The following EPHX2 variants were observed in gnomAD, a reference collection of about 807,000 sequenced individuals.
EPHX2 encodes bifunctional epoxide hydrolase 2.
In EPHX2, 74 loss-of-function variants were observed where a neutral mutation model predicts 78.7. That is an observed-to-expected ratio of 0.94 (90% CI 0.78 to 1.14). The LOEUF is 1.14. Among genes scored for constraint, EPHX2 ranks in the 50% most tolerant of loss-of-function variants. EPHX2 has a pLI of 0.00. For synonymous variants in EPHX2, 251 were observed against 255.2 expected, an observed-to-expected ratio of 0.98 and a Z score of 0.16; for missense variants, 715 against 702.5, an observed-to-expected ratio of 1.02 and a Z score of -0.20.
At position 27,544,180 on chromosome 8, in the gene EPHX2, T is replaced by C; in HGVS notation, c.1531-6T>C. The C allele has an allele frequency of 6.2e-7, 1 of 1,614,164 alleles. No homozygotes were observed. Among genetic ancestry groups the C allele is most frequent in the Non-Finnish European group, 8.5e-7 (1 of 1,180,012 alleles). On this transcript the variant is annotated splice_region_variant and splice_polypyrimidine_tract_variant and intron_variant, in intron 17 of 18. Coordinates refer to ENST00000521400, the MANE Select transcript of EPHX2 (RefSeq NM_001979.6). Reference sequence around the variant, plus strand: ...ATTTACCTTTCTGCCTGGGGTTTCCTTTCAGATTCCCCACCTGAAAAGGGG... The same window carrying C: ...ATTTACCTTTCTGCCTGGGGTTTCCCTTCAGATTCCCCACCTGAAAAGGGG...
chr8:27,506,519 TG>T (rs1585192247), intron 4 of EPHX2, among the ~76,000 whole-genome samples: 1 of 152,234 alleles, frequency 6.6e-6, no homozygotes, highest in East Asian at 1.9e-4. Context: ...TTCTACCTTT[TG>T]TAGCTTCATC....
At chr8:27,522,648 T>C in intron 11 of EPHX2, 140 bp downstream of exon 11, 1 of 830,534 alleles carries the variant, frequency 1.2e-6, no homozygotes, top group Non-Finnish European at 1.9e-6. Context: ...CACTCTTTAG[T>C]GTCTGGTGAC....
chr8:27,515,990 G>T (rs761006553), intron 7 of EPHX2, among the ~76,000 whole-genome samples, 177 bp downstream of exon 7: 1 of 152,222 alleles, frequency 6.6e-6, no homozygotes, highest in Non-Finnish European at 1.5e-5. Flanking sequence ...GTTAGGCCAC[G>T]AGGCACTTTT....
chr8:27,495,562 T>C (rs1813541907), intron 1 of EPHX2, among the ~76,000 whole-genome samples: 1 of 152,218 alleles, frequency 6.6e-6, no homozygotes, highest in Non-Finnish European at 1.5e-5. Flanking sequence ...AAGCGCCTGG[T>C]ATCTAAGCAG....
rs187873155 is a variant in EPHX2, at chr8:27,497,404, T to G, written c.102-3522T>G. ...AAAGCACACTGATAACAAGCCCTAC[T>G]GGGTGATTGGCCTGCTCTGTTTTCT... is the stretch of plus-strand genomic sequence containing the variant. On this transcript the variant is annotated intron_variant, in intron 1 of 18. Coordinates refer to ENST00000521400, the MANE Select transcript of EPHX2 (RefSeq NM_001979.6). Among the ~76,000 whole-genome samples, 220 of 152,328 alleles carry G rather than the reference T, an allele frequency of 1.4e-3. 2 individuals carry two copies. The highest frequency in any genetic ancestry group is 0.013 in the South Asian group (61 of 4,830).
Position 27,506,988 on chromosome 8 carries a change from A to G in EPHX2, c.654A>G (p.Gly218=). 1 of 1,613,790 alleles carries G rather than the reference A, an allele frequency of 6.2e-7. No individual in the cohort carries two copies. The highest frequency in any genetic ancestry group is 8.5e-7 in the Non-Finnish European group (1 of 1,179,988). The change falls in exon 5 of 19, where the codon GGA becomes GGG. Residue 218 remains glycine (G), a synonymous_variant. Transcript: ENST00000521400. ...TALKELEKVT[G]IQLLNTPAPL... ...TGAAAGAACTGGAGAAAGTGACCGG[A>G]ATCCAGGTAACTTGACTTCTGAGCG...
intron 5 of EPHX2, among the ~76,000 whole-genome samples, chr8:27,508,017 A>G (rs1185492539): frequency 1.3e-5 from 2 of 152,172 alleles, no homozygotes; most frequent in Admixed American, 6.5e-5. Context: ...ATTGGGGGCT[A>G]AGGCTGGGTG....
At chr8:27,530,188 A>T (rs925830379) in intron 12 of EPHX2, among the ~76,000 whole-genome samples, 1 of 152,044 alleles carries the variant, frequency 6.6e-6, no homozygotes. Flanking sequence ...ATGCCAGCCT[A>T]AATGTTGAAT....
At chr8:27,512,072 T>G in intron 6 of EPHX2, 162 bp downstream of exon 6, 1 of 459,176 alleles carries the variant, frequency 2.2e-6, no homozygotes, top group South Asian at 3.4e-5. Context: ...TGCTCCAGCC[T>G]GGGCAACGGA....
chr8:27,522,697 G>T (rs1814691336), intron 11 of EPHX2, among the ~76,000 whole-genome samples, 189 bp downstream of exon 11: 1 of 151,958 alleles, frequency 6.6e-6, no homozygotes, highest in Non-Finnish European at 1.5e-5. Context: ...GGTGGCTCAT[G>T]CCTGTAATCC....
chr8:27,536,386 G>A lies in EPHX2; in HGVS notation c.1171-398G>A, dbSNP rs1815212641. Among the ~76,000 whole-genome samples the A allele has an allele frequency of 2.6e-5, 4 of 152,102 alleles. No homozygotes were observed. In the South Asian group the frequency reaches 6.2e-4, roughly 24 times the overall value. On this transcript the variant is annotated intron_variant, in intron 12 of 18. Coordinates refer to ENST00000521400, the MANE Select transcript of EPHX2 (RefSeq NM_001979.6). ...TGGATGGAAGAGCATTTGGTATATA[G>A]TTTTTGGCTTTTCTGCTTGGTTTCT...
chr8:27,541,736 T>C (rs1023377948), intron 16 of EPHX2, among the ~76,000 whole-genome samples, 194 bp downstream of exon 16: 8 of 152,150 alleles, frequency 5.3e-5, no homozygotes, highest in Admixed American at 3.3e-4. Flanking sequence ...GGTGCTTCTC[T>C]TGGGATGGTA....
intron 12 of EPHX2, among the ~76,000 whole-genome samples, chr8:27,526,713 CCTCTT>C (rs1814857753): frequency 6.6e-6 from 1 of 151,918 alleles, no homozygotes. Flanking sequence ...TGTGGGTAGT[CCTCTT>C]CTCCTTGTTT....
At chr8:27,524,024 C>T (rs1256146066) in intron 11 of EPHX2, among the ~76,000 whole-genome samples, 1 of 151,206 alleles carries the variant, frequency 6.6e-6, no homozygotes, top group Non-Finnish European at 1.5e-5. Flanking sequence ...CCTCTACCTT[C>T]TGGGTTCAAG....
chr8:27,500,136 G>C (rs1015186743), intron 1 of EPHX2, among the ~76,000 whole-genome samples: 3 of 152,174 alleles, frequency 2.0e-5, no homozygotes, highest in African/African-American at 7.2e-5. Flanking sequence ...TGTTGGAGGA[G>C]GGGGTTGGTG....
chr8:27,516,397 CGGT>C lies in EPHX2; in HGVS notation c.910+2_910+4del. 1 of 1,613,838 alleles carries C rather than the reference CGGT, an allele frequency of 6.2e-7. No individual in the cohort carries two copies. Among genetic ancestry groups the C allele is most frequent in the Non-Finnish European group, 8.5e-7 (1 of 1,179,804 alleles). ...GCTATGGAGAGTCATCTGCTCCTCCCGGTGGGTGTGCTGTCTTGCAGCTGTCTT... is the reference window on the plus strand; with the variant it reads ...GCTATGGAGAGTCATCTGCTCCTCCCGGGTGTGCTGTCTTGCAGCTGTCTT... On this transcript the variant is annotated splice_donor_variant and coding_sequence_variant, in exon 8 of 19. Coordinates refer to ENST00000521400, the MANE Select transcript of EPHX2 (RefSeq NM_001979.6). LOFTEE classifies it high-confidence loss of function.
At chr8:27,542,921 C>T (rs1413336173) in intron 16 of EPHX2, among the ~76,000 whole-genome samples, 2 of 152,122 alleles carry the variant, frequency 1.3e-5, no homozygotes, top group Admixed American at 6.5e-5. Flanking sequence ...GGATGACAGG[C>T]GTGAGCCACT....
intron 11 of EPHX2, among the ~76,000 whole-genome samples, chr8:27,524,014 C>T (rs1814741409): frequency 6.6e-6 from 1 of 151,506 alleles, no homozygotes; most frequent in Admixed American, 6.6e-5. Flanking sequence ...CTTACTGCAA[C>T]CTCTACCTTC....
chr8:27,494,538 C>T (rs1813504111), intron 1 of EPHX2, among the ~76,000 whole-genome samples: 1 of 152,228 alleles, frequency 6.6e-6, no homozygotes, highest in Non-Finnish European at 1.5e-5. Flanking sequence ...GCAAAGGTAT[C>T]AACACAGACC....
Sources: gnomAD v4.1 joint callset for allele counts (sites outside exome capture counted in the v4.1 genomes callset) on GRCh38, gnomAD v4.1.1 for gene constraint, MANE v1.5 for transcripts, NCBI Gene and HGNC (gene_info 2026-07-23, HGNC 2026-07-21) for gene names.